Variants in LRMDA observed in about 807,000 individuals in gnomAD.
LRMDA encodes leucine-rich melanocyte differentiation-associated protein.
LRMDA carries 18 observed loss-of-function variants against 29.8 expected under a neutral mutation model. That is an observed-to-expected ratio of 0.60 (90% confidence interval 0.42 to 0.90). The LOEUF is 0.90. LRMDA is among the 40% of genes least tolerant of loss of function. The pLI is 0.00. For synonymous variants in LRMDA, 125 were observed against 109.4 expected, an observed-to-expected ratio of 1.14 and a Z score of -0.89; for missense variants, 273 against 273.9, an observed-to-expected ratio of 1.00 and a Z score of 0.02.
intron 2 of LRMDA, among the ~76,000 whole-genome samples, chr10:75,723,729 G>A (rs115228309): frequency 8.7e-4 from 133 of 152,318 alleles, no homozygotes; most frequent in African/African-American, 3.0e-3. Context: ...TTTATTCAAC[G>A]AATTGTCCAA....
At chr10:76,081,369 C>G (rs894610464) in intron 5 of LRMDA, among the ~76,000 whole-genome samples, 1 of 152,098 alleles carries the variant, frequency 6.6e-6, no homozygotes, top group Admixed American at 6.5e-5. Flanking sequence ...GCTCAGGAGG[C>G]TGAGCCTGGG....
chr10:76,120,193 T>A, intron 5 of LRMDA, among the ~76,000 whole-genome samples: 1 of 151,320 alleles, frequency 6.6e-6, no homozygotes, highest in African/African-American at 2.4e-5. Context: ...GTGTTGATTT[T>A]TTTTTTTTTT....
At chr10:76,238,662 A>C (rs930703175) in intron 5 of LRMDA, among the ~76,000 whole-genome samples, 1 of 152,166 alleles carries the variant, frequency 6.6e-6, no homozygotes, top group African/African-American at 2.4e-5. Flanking sequence ...AGCTAACACA[A>C]AGGGAACACA....
In LRMDA at chr10:76,558,659, C is replaced by T. The variant is rs1843588548; in HGVS notation, c.*1371C>T. 6.6e-6 allele frequency: 1 copy of T among 152,168 alleles called. No homozygotes were observed. Among genetic ancestry groups the T allele is most frequent in the Non-Finnish European group, 1.5e-5 (1 of 68,032 alleles). The allele number at this position is 152,168 out of a possible 1,614,324, so 9.4% of individuals were successfully genotyped here. The stretch of plus-strand genomic sequence containing the variant: ...CAGCAAAACCTGAAAGAGAATCCCT[C>T]CAAGTTATAGATACTGAGGGACTAG... On this transcript the variant is annotated 3_prime_UTR_variant, in exon 7 of 7. Coordinates refer to ENST00000611255, the MANE Select transcript of LRMDA (RefSeq NM_001305581.2).
chr10:76,230,177 G>A (rs1852032284), intron 5 of LRMDA, among the ~76,000 whole-genome samples: 1 of 151,978 alleles, frequency 6.6e-6, no homozygotes, highest in African/African-American at 2.4e-5. Context: ...GCAACACCAA[G>A]CAGAAAGCAG....
intron 6 of LRMDA, among the ~76,000 whole-genome samples, chr10:76,498,107 G>A (rs1473468530): frequency 2.6e-5 from 2 of 75,542 alleles, no homozygotes; most frequent in African/African-American, 6.5e-5. Flanking sequence ...TTAATTTCAT[G>A]GAAGCTACTT....
At chr10:76,283,349 A>G (rs1840230009) in intron 5 of LRMDA, among the ~76,000 whole-genome samples, 1 of 152,168 alleles carries the variant, frequency 6.6e-6, no homozygotes, top group South Asian at 2.1e-4. Flanking sequence ...CGAGTGGTGC[A>G]CCTGTTGTTG....
At chr10:75,503,066 A>G (rs1436809008) in intron 2 of LRMDA, among the ~76,000 whole-genome samples, 1 of 152,248 alleles carries the variant, frequency 6.6e-6, no homozygotes, top group Non-Finnish European at 1.5e-5. Context: ...AGATGGCAAC[A>G]GGTGCATGAA....
intron 2 of LRMDA, among the ~76,000 whole-genome samples, chr10:75,953,252 A>AT (rs1463182830): frequency 1.3e-5 from 2 of 151,380 alleles, no homozygotes; most frequent in African/African-American, 4.9e-5. Flanking sequence ...GGTTTTTAAA[A>AT]TTTTTTATAG....
At chr10:75,768,151 TG>T (rs746727762) in intron 2 of LRMDA, among the ~76,000 whole-genome samples, 8 of 152,200 alleles carry the variant, frequency 5.3e-5, no homozygotes, top group Non-Finnish European at 1.0e-4. Flanking sequence ...GCCCATTTGT[TG>T]TAACAGCCAT....
At chr10:76,258,164 T>A (rs1370236761) in intron 5 of LRMDA, among the ~76,000 whole-genome samples, 1 of 152,096 alleles carries the variant, frequency 6.6e-6, no homozygotes, top group African/African-American at 2.4e-5. Flanking sequence ...GTAAAAGAAA[T>A]TTTTGCAGCC....
chr10:75,639,726 T>C (rs1181665247), intron 2 of LRMDA, among the ~76,000 whole-genome samples: 1 of 152,136 alleles, frequency 6.6e-6, no homozygotes, highest in Non-Finnish European at 1.5e-5. Flanking sequence ...AAGTGAACTC[T>C]GGGATTGGGT....
intron 5 of LRMDA, among the ~76,000 whole-genome samples, chr10:76,174,758 C>T (rs1479214685): frequency 6.6e-6 from 1 of 152,184 alleles, no homozygotes; most frequent in African/African-American, 2.4e-5. Flanking sequence ...GGAGTCAGAC[C>T]TTGGTTCAAA....
At chr10:75,476,364 C>G (rs1844791311) in intron 2 of LRMDA, among the ~76,000 whole-genome samples, 1 of 152,166 alleles carries the variant, frequency 6.6e-6, no homozygotes, top group African/African-American at 2.4e-5. Flanking sequence ...CTGCCCTGCC[C>G]TCCTACCCCA....
intron 5 of LRMDA, among the ~76,000 whole-genome samples, chr10:76,188,431 T>A (rs756209867): frequency 6.6e-6 from 1 of 152,224 alleles, no homozygotes; most frequent in African/African-American, 2.4e-5. Flanking sequence ...TGAATCTTTA[T>A]TAGACCCTTC....
chr10:75,452,445 C>G (rs1241290814), intron 2 of LRMDA, among the ~76,000 whole-genome samples: 1 of 152,012 alleles, frequency 6.6e-6, no homozygotes, highest in East Asian at 1.9e-4. Flanking sequence ...AATTTTAGAA[C>G]AGGATTTTTT....
chr10:75,985,534 CATCA>C (rs1847248365), intron 2 of LRMDA, among the ~76,000 whole-genome samples: 1 of 152,244 alleles, frequency 6.6e-6, no homozygotes, highest in South Asian at 2.1e-4. Flanking sequence ...ATTCTCTTCT[CATCA>C]ACCTCAGTCA....
intron 2 of LRMDA, among the ~76,000 whole-genome samples, chr10:76,017,475 C>A (rs1445234626): frequency 1.3e-5 from 2 of 152,176 alleles, no homozygotes; most frequent in African/African-American, 2.4e-5. Context: ...AACAATAGCC[C>A]AAGGAAACTA....
intron 2 of LRMDA, among the ~76,000 whole-genome samples, chr10:75,737,278 TC>T (rs1842777493): frequency 1.3e-5 from 2 of 152,218 alleles, no homozygotes; most frequent in Non-Finnish European, 2.9e-5. Context: ...GGCAAAACTC[TC>T]TCAGTAAAGT....
Sources: allele counts gnomAD v4.1 joint callset (sites outside exome capture counted in the v4.1 genomes callset), GRCh38; gene constraint gnomAD v4.1.1; transcripts MANE v1.5; gene names NCBI Gene and HGNC (gene_info 2026-07-23, HGNC 2026-07-21).